Variants in CCNH observed in about 807,000 individuals in gnomAD.
The protein encoded by CCNH is cyclin-H.
Under a neutral mutation model 41.9 loss-of-function variants are expected in CCNH, and 31 were observed. That is an observed-to-expected ratio of 0.74 (90% CI 0.56 to 1.00). The LOEUF (loss-of-function observed/expected upper bound fraction) is 1.00, where lower values mean the gene tolerates loss of function less well. Among genes scored for constraint, CCNH ranks in the 50% least tolerant of loss-of-function variants. The pLI is 0.00. For synonymous variants in CCNH, 138 were observed against 136.1 expected, an observed-to-expected ratio of 1.01 and a Z score of -0.10; for missense variants, 362 against 388.4, an observed-to-expected ratio of 0.93 and a Z score of 0.57.
At chr5:87,351,189 A>T (rs1249610146) in intron 9 of CCNH, among the ~76,000 whole-genome samples, 1 of 151,704 alleles carries the variant, frequency 6.6e-6, no homozygotes, top group Non-Finnish European at 1.5e-5. Context: ...TTAAAAAAAA[A>T]AAGCAGAAGA....
intron 9 of CCNH, among the ~76,000 whole-genome samples, chr5:87,382,929 T>TAAA (rs200006864): frequency 4.3e-5 from 6 of 138,858 alleles, no homozygotes; most frequent in African/African-American, 1.6e-4. Flanking sequence ...CAAAAATAAT[T>TAAA]AAAAAAAAAA....
chr5:87,335,627 TG>T (rs1257825320), intron 9 of CCNH, among the ~76,000 whole-genome samples: 1 of 151,896 alleles, frequency 6.6e-6, no homozygotes, highest in Admixed American at 6.6e-5. Flanking sequence ...GGTTTCACCA[TG>T]TTGGCCAGGG....
downstream of CCNH, chr5:87,386,800 T>C (rs7736009): frequency 2.3e-3 from 3,692 of 1,599,186 alleles, 61 homozygotes; most frequent in African/African-American, 0.041. Context: ...TTCTGGTGCA[T>C]ATAACAGAAG....
chr5:87,325,865 C>A lies in CCNH; in HGVS notation c.*91-6968G>T, dbSNP rs16902626. On this transcript the variant is annotated intron_variant and NMD_transcript_variant, in intron 9 of 9. Coordinates refer to the CCNH transcript ENST00000645953. ...TTCACACTAGGATATTTTCTCATTG[C>A]ACAAATTTCCATATTTTTCTCTGAT... 4.2e-4 allele frequency among the ~76,000 whole-genome samples: 64 copies of A among 152,232 alleles called. 2 individuals are homozygous for A. In the East Asian group the frequency reaches 9.6e-3, roughly 23 times the overall value.
chr5:87,395,939 G>GAATATATCATATATAAAT (rs1362665815), intron 7 of CCNH, among the ~76,000 whole-genome samples: 1 of 151,810 alleles, frequency 6.6e-6, no homozygotes, highest in African/African-American at 2.4e-5. Flanking sequence ...AAAAACAATA[G>GAATATATCATATATAAAT]AATATATCAT....
At chr5:87,328,769 T>A (rs1175134518) in intron 9 of CCNH, among the ~76,000 whole-genome samples, 1 of 152,148 alleles carries the variant, frequency 6.6e-6, no homozygotes, top group East Asian at 1.9e-4. Context: ...GATTGTGGGT[T>A]AAAAAATGGT....
intron 9 of CCNH, among the ~76,000 whole-genome samples, chr5:87,365,621 T>G (rs1580361197): frequency 6.6e-6 from 1 of 152,130 alleles, no homozygotes; most frequent in African/African-American, 2.4e-5. Flanking sequence ...TAATTAGCCT[T>G]AATGTACAGA....
exon 1 of CCNH, chr5:87,377,069 A>AT: frequency 6.3e-7 from 1 of 1,599,276 alleles, no homozygotes; most frequent in East Asian, 2.2e-5. Context: ...AGTGTGATAC[A>AT]AGAAACTGGG....
chr5:87,363,263 C>T, intron 9 of CCNH: 1 of 1,222,670 alleles, frequency 8.2e-7, no homozygotes, highest in South Asian at 1.3e-5. Context: ...TTGATTGATT[C>T]ATATTTTTAG....
upstream of CCNH, chr5:87,378,259 G>GT: frequency 2.2e-6 from 2 of 922,028 alleles, no homozygotes. Flanking sequence ...ATTGTAATTA[G>GT]TACTTTCAAC....
At chr5:87,373,734 G>A (rs76564060), downstream of CCNH, among the ~76,000 whole-genome samples, 776 of 152,172 alleles carry the variant, frequency 5.1e-3, 42 homozygotes, top group South Asian at 0.11. Context: ...ATTTTTAGCT[G>A]TGGAACTCTT....
At chr5:87,403,306 G>T (rs1241822336) in intron 5 of CCNH, among the ~76,000 whole-genome samples, 2 of 151,380 alleles carry the variant, frequency 1.3e-5, no homozygotes, top group African/African-American at 4.9e-5. Flanking sequence ...GGAGCCAAAG[G>T]TATGGCAATT....
At chr5:87,380,550 A>G, upstream of CCNH, 1 of 1,613,536 alleles carries the variant, frequency 6.2e-7, no homozygotes, top group Non-Finnish European at 8.5e-7. Context: ...AAATCTGTTC[A>G]GCATAAGTGG....
In CCNH at chr5:87,333,302, A is replaced by G. The variant is rs777884338; in HGVS notation, c.*91-14405T>C. ...ATAGAAGGCGTGTACGAGCTATTCT[A>G]CCTTACACAAAAGTACCAGACACTG... On this transcript the variant is annotated intron_variant and NMD_transcript_variant, in intron 9 of 9. Coordinates refer to the CCNH transcript ENST00000645953. The G allele has an allele frequency of 1.5e-5, 24 of 1,613,134 alleles. 1 individual carries two copies. In the South Asian group the frequency reaches 1.5e-4, roughly 10 times the overall value.
downstream of CCNH, among the ~76,000 whole-genome samples, chr5:87,371,467 A>G (rs1760934395): frequency 1.3e-5 from 2 of 152,190 alleles, no homozygotes; most frequent in Non-Finnish European, 2.9e-5. Flanking sequence ...TTTGTTTTTA[A>G]TAAACCTTAG....
At position 87,411,362 on chromosome 5, in the gene CCNH, TAC is replaced by T; in HGVS notation, c.118-18_118-17del. On this transcript the variant is annotated splice_polypyrimidine_tract_variant and intron_variant, in intron 1 of 8. Coordinates refer to ENST00000256897, the MANE Select transcript of CCNH (RefSeq NM_001239.4). ...TCGGAAGAACCTTTAGATCAACAATTACAACACAAGTTCAATGAATTCAATGA... is the reference window on the plus strand; with the variant it reads ...TCGGAAGAACCTTTAGATCAACAATTAACACAAGTTCAATGAATTCAATGA... 1 of 1,593,224 alleles carries T rather than the reference TAC, an allele frequency of 6.3e-7. No homozygotes were observed. Among genetic ancestry groups the T allele is most frequent in the Non-Finnish European group, 8.5e-7 (1 of 1,172,376 alleles).
chr5:87,354,625 G>A (rs999532215), intron 9 of CCNH, among the ~76,000 whole-genome samples: 1 of 152,096 alleles, frequency 6.6e-6, no homozygotes, highest in Non-Finnish European at 1.5e-5. Context: ...TAACCCTACA[G>A]TGGCCTCTAA....
At chr5:87,404,754 A>C (rs867468310) in intron 5 of CCNH, 90 bp downstream of exon 5, 1 of 1,034,856 alleles carries the variant, frequency 9.7e-7, no homozygotes, top group Non-Finnish European at 1.4e-6. Flanking sequence ...CCCAGCCACA[A>C]AGAATATTAA....
At chr5:87,364,331 C>A (rs1048956487) in intron 9 of CCNH, among the ~76,000 whole-genome samples, 9 of 152,036 alleles carry the variant, frequency 5.9e-5, no homozygotes, top group Non-Finnish European at 1.3e-4. Flanking sequence ...TAGGAGATCA[C>A]ATTAGTGTTA....
Sources: gnomAD v4.1 joint callset for allele counts (sites outside exome capture counted in the v4.1 genomes callset) on GRCh38, gnomAD v4.1.1 for gene constraint, MANE v1.5 for transcripts, NCBI Gene and HGNC (gene_info 2026-07-23, HGNC 2026-07-21) for gene names.